AGPAT3: variants seen among roughly 807,000 people sequenced by gnomAD.
AGPAT3 encodes 1-acylglycerol-3-phosphate O-acyltransferase 3, also known as 1-acyl-sn-glycerol-3-phosphate acyltransferase gamma.
In AGPAT3, 5 loss-of-function variants were observed where a neutral mutation model predicts 47.3. That is an observed-to-expected ratio of 0.11 (90% CI 0.06 to 0.22). The LOEUF is 0.22. Ranked by LOEUF, AGPAT3 falls within the 10% of genes least tolerant of loss-of-function variation. The pLI is 1.00. For missense variants in AGPAT3, 315 were observed against 493.0 expected, an observed-to-expected ratio of 0.64 and a Z score of 3.42; for synonymous variants, 212 against 208.3, an observed-to-expected ratio of 1.02 and a Z score of -0.15.
At chr21:43,973,308 C>T (rs141865688) in intron 7 of AGPAT3, among the ~76,000 whole-genome samples, 2 of 152,352 alleles carry the variant, frequency 1.3e-5, no homozygotes, top group East Asian at 1.9e-4. Flanking sequence ...CTGGACGGTC[C>T]AGATGGCAGG....
chr21:43,912,075 A>T (rs747934990), intron 2 of AGPAT3, among the ~76,000 whole-genome samples: 2 of 152,246 alleles, frequency 1.3e-5, no homozygotes, highest in Non-Finnish European at 2.9e-5. Context: ...GCCTAGAGGT[A>T]TCTTAGTCGT....
At chr21:43,964,347 G>A (rs765182132) in intron 3 of AGPAT3, among the ~76,000 whole-genome samples, 10 of 151,994 alleles carry the variant, frequency 6.6e-5, no homozygotes, top group Non-Finnish European at 1.5e-4. Flanking sequence ...ACTGCACCAC[G>A]CTCAGCTAAT....
chr21:43,940,096 T>A (rs2087606767), intron 2 of AGPAT3, among the ~76,000 whole-genome samples: 1 of 152,228 alleles, frequency 6.6e-6, no homozygotes, highest in African/African-American at 2.4e-5. Flanking sequence ...GCAGATGCTC[T>A]GGGTGGCAAC....
intron 1 of AGPAT3, among the ~76,000 whole-genome samples, chr21:43,881,108 G>T (rs2123582023): frequency 6.6e-6 from 1 of 152,226 alleles, no homozygotes; most frequent in Non-Finnish European, 1.5e-5. Context: ...TTCCAGAAAG[G>T]GATCAGTTTT....
chr21:43,888,508 C>T (rs1002250319), intron 1 of AGPAT3, among the ~76,000 whole-genome samples: 8 of 152,156 alleles, frequency 5.3e-5, no homozygotes, highest in Non-Finnish European at 1.5e-5. Context: ...CAGACCTGCA[C>T]ATCCTGCACA....
intron 2 of AGPAT3, among the ~76,000 whole-genome samples, chr21:43,938,651 A>G (rs1410834145): frequency 6.6e-6 from 1 of 152,086 alleles, no homozygotes; most frequent in African/African-American, 2.4e-5. Flanking sequence ...GTCATCCAAT[A>G]CTTCCAGTAA....
intron 1 of AGPAT3, among the ~76,000 whole-genome samples, chr21:43,885,913 G>A (rs559645923): frequency 6.6e-6 from 1 of 152,382 alleles, no homozygotes; most frequent in South Asian, 2.1e-4. Flanking sequence ...GCACTGAGGA[G>A]CGGGCCAGTG....
At chr21:43,919,283 G>T (rs1034441823) in intron 2 of AGPAT3, among the ~76,000 whole-genome samples, 5 of 151,890 alleles carry the variant, frequency 3.3e-5, no homozygotes, top group African/African-American at 1.2e-4. Context: ...TGGTACACTG[G>T]ACCCAATATA....
chr21:43,898,550 G>A (rs1282628514), intron 1 of AGPAT3, among the ~76,000 whole-genome samples: 1 of 151,930 alleles, frequency 6.6e-6, no homozygotes, highest in Non-Finnish European at 1.5e-5. Context: ...TCCCCAAGAC[G>A]GAGTCTTGCT....
rs557677728 is a variant in AGPAT3 at position 43,941,462 on chromosome 21, C to T, written c.-48-18172C>T. On this transcript the variant is annotated intron_variant, in intron 2 of 9. Transcript: ENST00000291572. Reference sequence around the variant, plus strand: ...ATCCTAAGGCTGAGGCAGGAGGATCCCTTGAGCTCAGGAGGTCAAGGCCAC... The same window carrying T: ...ATCCTAAGGCTGAGGCAGGAGGATCTCTTGAGCTCAGGAGGTCAAGGCCAC... Among the ~76,000 whole-genome samples, 13 of 152,296 alleles carry T rather than the reference C, an allele frequency of 8.5e-5. No homozygotes were observed. In the South Asian group the frequency reaches 2.5e-3, roughly 29 times the overall value.
chr21:43,876,994 G>A (rs533796943), intron 1 of AGPAT3, among the ~76,000 whole-genome samples: 154 of 152,166 alleles, frequency 1.0e-3, no homozygotes, highest in Non-Finnish European at 1.7e-3. Context: ...GAGTAGCTGG[G>A]ACTACAGGTG....
chr21:43,937,569 T>G (rs2087490457), intron 2 of AGPAT3, among the ~76,000 whole-genome samples: 1 of 152,078 alleles, frequency 6.6e-6, no homozygotes, highest in African/African-American at 2.4e-5. Flanking sequence ...TTTTGTTTTG[T>G]TTTGTTTTTC....
At chr21:43,897,350 T>C (rs1483772230) in intron 1 of AGPAT3, among the ~76,000 whole-genome samples, 1 of 152,188 alleles carries the variant, frequency 6.6e-6, no homozygotes, top group African/African-American at 2.4e-5. Context: ...CTCCTATGTC[T>C]ACTTCTTTCT....
intron 3 of AGPAT3, among the ~76,000 whole-genome samples, chr21:43,962,313 T>C (rs2088914780): frequency 6.6e-6 from 1 of 152,144 alleles, no homozygotes; most frequent in African/African-American, 2.4e-5. Flanking sequence ...GTTTGTTTCC[T>C]TTTTTAAATG....
chr21:43,935,130 G>C (rs2087396040), intron 2 of AGPAT3, among the ~76,000 whole-genome samples: 1 of 152,266 alleles, frequency 6.6e-6, no homozygotes, highest in African/African-American at 2.4e-5. Flanking sequence ...AAGCAGTGGG[G>C]AGCACCTGGC....
chr21:43,958,750 A>ATGGT, intron 2 of AGPAT3, among the ~76,000 whole-genome samples: 1 of 123,104 alleles, frequency 8.1e-6, no homozygotes, highest in Non-Finnish European at 1.7e-5. Flanking sequence ...TGTGGTTTGC[A>ATGGT]GTGTGTAGTG....
chr21:43,977,864 C>T (rs1285867897), intron 7 of AGPAT3, among the ~76,000 whole-genome samples, 182 bp from the exon 8 acceptor site: 2 of 143,722 alleles, frequency 1.4e-5, no homozygotes, highest in Non-Finnish European at 3.0e-5. Context: ...TCCAGCCTGG[C>T]AACAGAGCGA....
intron 3 of AGPAT3, chr21:43,967,721 GT>G: frequency 5.6e-6 from 3 of 536,060 alleles, no homozygotes; most frequent in East Asian, 6.2e-5. Flanking sequence ...CAGAGTGGCG[GT>G]TCTCTCCCTT....
In AGPAT3 at chr21:43,933,137, G is replaced by A. The variant is rs114050728; in HGVS notation, c.-48-26497G>A. Among the ~76,000 whole-genome samples the A allele has an allele frequency of 4.2e-3, 647 of 152,296 alleles. 9 individuals carry two copies. The highest frequency in any genetic ancestry group is 0.014 in the African/African-American group (589 of 41,564). ...TGAAATGACACCTCCCTGTGGCTTC[G>A]ATTTGCTTCTCCCTGATGGTTAATA... On this transcript the variant is annotated intron_variant, in intron 2 of 9. Coordinates refer to ENST00000291572, the MANE Select transcript of AGPAT3 (RefSeq NM_020132.5). This position sits in a 1 kb window ranked among gnomAD's most constrained non-coding sequence, Gnocchi z 6.0.
Sources: allele counts gnomAD v4.1 joint callset (sites outside exome capture counted in the v4.1 genomes callset), GRCh38; gene constraint gnomAD v4.1.1; non-coding constraint Gnocchi (gnomAD v3.1); transcripts MANE v1.5; gene names NCBI Gene and HGNC (gene_info 2026-07-23, HGNC 2026-07-21).